The following MYLK4 variants were observed in gnomAD, a reference collection of about 807,000 sequenced individuals.
MYLK4 encodes the protein caMLCK like.
Under a neutral mutation model 48.1 loss-of-function variants are expected in MYLK4, and 46 were observed. The ratio of observed to expected loss-of-function variants is 0.96; its 90% CI spans 0.75 to 1.22. The LOEUF is 1.22. Ranked by LOEUF, MYLK4 falls within the 50% of genes most tolerant of loss-of-function variation. The probability of loss-of-function intolerance (pLI) is 0.00; values close to 1 mark genes in which losing one functional copy is unlikely to be tolerated. For missense variants in MYLK4, 451 were observed against 486.1 expected (o/e 0.93, Z 0.68); for synonymous variants, 170 against 180.8 (o/e 0.94, Z 0.48).
intron 6 of MYLK4, among the ~76,000 whole-genome samples, chr6:2,683,996 T>TATGTTCA: frequency 6.6e-6 from 1 of 152,350 alleles, no homozygotes; most frequent in Admixed American, 6.5e-5. Context: ...GTACTGAACC[T>TATGTTCA]GTATATACTA....
At chr6:2,761,391 A>G in the MYLK4 span, among the ~76,000 whole-genome samples, 1 of 152,352 alleles carries the variant, frequency 6.6e-6, no homozygotes, top group South Asian at 2.1e-4. Flanking sequence ...CTGAAAAGAA[A>G]GTTTAAATTT....
At chr6:2,745,895 A>G (rs1378850405) in intron 2 of MYLK4, among the ~76,000 whole-genome samples, 1 of 91,266 alleles carries the variant, frequency 1.1e-5, no homozygotes, top group Non-Finnish European at 2.7e-5. Flanking sequence ...ACTGCAATCC[A>G]GCCTGGGCGA....
At chr6:2,713,754 C>G (rs921676848) in intron 2 of MYLK4, among the ~76,000 whole-genome samples, 1 of 152,210 alleles carries the variant, frequency 6.6e-6, no homozygotes, top group Non-Finnish European at 1.5e-5. Context: ...ACAGCCAGTA[C>G]CTTTTAAAGG....
At chr6:2,715,189 G>A (rs73350481) in intron 2 of MYLK4, among the ~76,000 whole-genome samples, 28,239 of 151,764 alleles carry the variant, frequency 0.19, 2,817 homozygotes, top group African/African-American at 0.24. Flanking sequence ...GAACCTGGGA[G>A]GCGGAGGTTG....
intron 3 of MYLK4, among the ~76,000 whole-genome samples, chr6:2,689,288 T>C (rs1351587066): frequency 6.6e-6 from 1 of 152,220 alleles, no homozygotes; most frequent in Non-Finnish European, 1.5e-5. Context: ...CCTGAGACCA[T>C]TCAAATTCAA....
At chr6:2,697,530 C>T (rs1241132945) in intron 2 of MYLK4, among the ~76,000 whole-genome samples, 3 of 152,228 alleles carry the variant, frequency 2.0e-5, no homozygotes, top group Non-Finnish European at 1.5e-5. Flanking sequence ...AGTGCGCTCT[C>T]GCCCTGCGTC....
intron 2 of MYLK4, among the ~76,000 whole-genome samples, chr6:2,708,982 T>C (rs933372649): frequency 1.1e-4 from 16 of 152,246 alleles, no homozygotes; most frequent in Non-Finnish European, 1.5e-5. Flanking sequence ...AGAATGATCA[T>C]GGTTGCTATG....
intron 2 of MYLK4, among the ~76,000 whole-genome samples, chr6:2,709,899 C>T (rs542938492): frequency 6.6e-6 from 1 of 152,180 alleles, no homozygotes; most frequent in South Asian, 2.1e-4. Flanking sequence ...TCTCTGTCCC[C>T]AAGAAACTAA....
the MYLK4 span, among the ~76,000 whole-genome samples, chr6:2,764,909 C>G: frequency 6.6e-6 from 1 of 152,212 alleles, no homozygotes; most frequent in Non-Finnish European, 1.5e-5. Context: ...CTGCTGTTCA[C>G]GTCCAATAGA....
At chr6:2,764,295 T>C in the MYLK4 span, among the ~76,000 whole-genome samples, 1 of 152,164 alleles carries the variant, frequency 6.6e-6, no homozygotes, top group Non-Finnish European at 1.5e-5. Context: ...GCTCAGCCTG[T>C]AACCCCAGGA....
At chr6:2,668,298 C>T (rs917251388) in intron 12 of MYLK4, among the ~76,000 whole-genome samples, 5 of 152,142 alleles carry the variant, frequency 3.3e-5, no homozygotes, top group African/African-American at 1.2e-4. Context: ...GAGAATGTGG[C>T]CTCAGGTGTG....
rs756575525 is a variant in MYLK4, at chr6:2,683,434, T to TG, written c.546-273_546-272insC. On this transcript the variant is annotated intron_variant, in intron 6 of 12. Transcript: ENST00000274643. ...GTGTGTGTGTGTGTGTGTGTGTGTG[T>TG]TTTGAGATGGAGTCTCGCTGTGTCG... 1.8e-4 allele frequency among the ~76,000 whole-genome samples: 27 copies of TG among 149,238 alleles called. 1 individual carries two copies. Among genetic ancestry groups the TG allele is most frequent in the Non-Finnish European group, 5.9e-5 (4 of 67,330 alleles).
At chr6:2,708,307 G>T (rs1053725905) in intron 2 of MYLK4, among the ~76,000 whole-genome samples, 2 of 152,130 alleles carry the variant, frequency 1.3e-5, no homozygotes, top group African/African-American at 4.8e-5. Flanking sequence ...TTGCCTTTGA[G>T]CATTACATTT....
the MYLK4 span, among the ~76,000 whole-genome samples, chr6:2,762,771 G>A: frequency 1.3e-5 from 2 of 152,084 alleles, no homozygotes; most frequent in Admixed American, 6.6e-5. Context: ...TCCTGATCTC[G>A]CCGGCTCAGA....
At chr6:2,674,297 T>C in intron 11 of MYLK4, among the ~76,000 whole-genome samples, 1 of 152,050 alleles carries the variant, frequency 6.6e-6, no homozygotes, top group African/African-American at 2.4e-5. Context: ...CTAAGCTGAG[T>C]ATTAGAGTTA....
At chr6:2,740,888 G>A (rs1418244655) in intron 2 of MYLK4, among the ~76,000 whole-genome samples, 1 of 152,176 alleles carries the variant, frequency 6.6e-6, no homozygotes, top group Non-Finnish European at 1.5e-5. Flanking sequence ...AATACCACAG[G>A]GCAAAGACCT....
intron 3 of MYLK4, among the ~76,000 whole-genome samples, chr6:2,691,541 A>G (rs73350421): frequency 0.024 from 3,696 of 152,302 alleles, 137 homozygotes; most frequent in African/African-American, 0.084. Context: ...TCATCCTCAC[A>G]ATATTTGGGA....
chr6:2,738,224 G>C (rs184920370), intron 2 of MYLK4, among the ~76,000 whole-genome samples: 1 of 152,236 alleles, frequency 6.6e-6, no homozygotes, highest in East Asian at 1.9e-4. Context: ...AGCTAAACAG[G>C]ATAAATTTTG....
chr6:2,675,885 G>T (rs1176530044), intron 10 of MYLK4, among the ~76,000 whole-genome samples: 2 of 152,116 alleles, frequency 1.3e-5, no homozygotes, highest in Non-Finnish European at 2.9e-5. Flanking sequence ...GAAATCAGGA[G>T]TTCAAGACCA....
Sources: gnomAD v4.1 joint callset for allele counts (sites outside exome capture counted in the v4.1 genomes callset) on GRCh38, gnomAD v4.1.1 for gene constraint, MANE v1.5 for transcripts, NCBI Gene and HGNC (gene_info 2026-07-23, HGNC 2026-07-21) for gene names.